TENM4: variants seen among roughly 807,000 people sequenced by gnomAD.
The protein encoded by TENM4 is teneurin-4.
Under a neutral mutation model 243.3 loss-of-function variants are expected in TENM4, and 82 were observed. The observed-to-expected ratio is 0.34, with a 90% confidence interval of 0.28 to 0.40. The LOEUF is 0.40. Ranked by LOEUF, TENM4 falls within the 10% of genes least tolerant of loss-of-function variation. The probability of loss-of-function intolerance (pLI) is 1.00; values close to 1 mark genes in which losing one functional copy is unlikely to be tolerated. For missense variants in TENM4, 3,138 were observed against 3,673.3 expected, an observed-to-expected ratio of 0.85 and a Z score of 3.77; for synonymous variants, 1,412 against 1,456.3, an observed-to-expected ratio of 0.97 and a Z score of 0.69.
chr11:79,221,316 C>T (rs1258206216), intron 2 of TENM4, among the ~76,000 whole-genome samples: 1 of 150,382 alleles, frequency 6.6e-6, no homozygotes, highest in Non-Finnish European at 1.5e-5. Context: ...AGAGAAGATC[C>T]ACCACATTCC....
At chr11:78,665,661 T>C (rs1858139676) in intron 32 of TENM4, among the ~76,000 whole-genome samples, 1 of 152,242 alleles carries the variant, frequency 6.6e-6, no homozygotes. Context: ...AGAGTTCTAA[T>C]CCAGCCTTGC....
rs1303969661 is a variant in TENM4 at position 78,878,740 on chromosome 11, T to C, written c.1084+11045A>G. 2.6e-5 allele frequency among the ~76,000 whole-genome samples: 4 copies of C among 152,164 alleles called. No individual in the cohort carries two copies. In the East Asian group the frequency reaches 7.7e-4, roughly 29 times the overall value. ...TACCCTTCTGAAGAGGATCTAGCAG[T>C]GAGTAACAGAGCTGTTCACGCCTTG... is the stretch of plus-strand genomic sequence containing the variant. On this transcript the variant is annotated intron_variant, in intron 9 of 33. Transcript: ENST00000278550.
intron 3 of TENM4, among the ~76,000 whole-genome samples, chr11:79,181,628 T>C (rs1164390352): frequency 1.3e-5 from 2 of 151,534 alleles, no homozygotes; most frequent in African/African-American, 4.9e-5. Context: ...AAAAGGTATA[T>C]AGATTGGGAA....
At chr11:79,214,667 G>A (rs1428647188) in intron 3 of TENM4, among the ~76,000 whole-genome samples, 1 of 152,190 alleles carries the variant, frequency 6.6e-6, no homozygotes, top group Non-Finnish European at 1.5e-5. Flanking sequence ...CACACCTCCT[G>A]GAATCCCAGA....
intron 4 of TENM4, among the ~76,000 whole-genome samples, chr11:79,123,379 C>T (rs1293207955): frequency 6.6e-6 from 1 of 152,174 alleles, no homozygotes; most frequent in Non-Finnish European, 1.5e-5. Flanking sequence ...AGCTGGGGTT[C>T]AACCCAGGTA....
intron 1 of TENM4, among the ~76,000 whole-genome samples, chr11:79,399,748 T>C (rs1330841158): frequency 6.6e-6 from 1 of 152,134 alleles, no homozygotes; most frequent in Non-Finnish European, 1.5e-5. Context: ...CAAATTTGGC[T>C]CCTCTACTTA....
chr11:78,813,111 T>A (rs1857533455), intron 13 of TENM4, among the ~76,000 whole-genome samples: 1 of 152,202 alleles, frequency 6.6e-6, no homozygotes, highest in Non-Finnish European at 1.5e-5. Flanking sequence ...CTTTCCTTTT[T>A]AAAGCACTCA....
At chr11:78,986,390 G>T (rs910026002) in intron 6 of TENM4, among the ~76,000 whole-genome samples, 3 of 152,046 alleles carry the variant, frequency 2.0e-5, no homozygotes, top group African/African-American at 7.2e-5. Flanking sequence ...AATCCTCCCC[G>T]CTTTCAGATG....
intron 1 of TENM4, among the ~76,000 whole-genome samples, chr11:79,405,004 G>A (rs1858538165): frequency 6.6e-6 from 1 of 152,126 alleles, no homozygotes; most frequent in South Asian, 2.1e-4. Context: ...GTGTGCACAT[G>A]TGCATTTGTT....
At chr11:79,338,460 T>G (rs1857189563) in intron 1 of TENM4, among the ~76,000 whole-genome samples, 1 of 152,198 alleles carries the variant, frequency 6.6e-6, no homozygotes. Context: ...GATTTGGAAT[T>G]ACCTCCTCAG....
At chr11:79,361,942 A>C (rs1857596502) in intron 1 of TENM4, among the ~76,000 whole-genome samples, 2 of 152,242 alleles carry the variant, frequency 1.3e-5, no homozygotes. Context: ...ATGTTTACTT[A>C]CAAGTCCAGT....
At chr11:79,299,693 C>T (rs1300184872) in intron 1 of TENM4, among the ~76,000 whole-genome samples, 1 of 152,152 alleles carries the variant, frequency 6.6e-6, no homozygotes, top group Non-Finnish European at 1.5e-5. Flanking sequence ...ACCTAATACC[C>T]AGGAATGCCA....
At chr11:78,804,596 C>A (rs906541227) in intron 15 of TENM4, among the ~76,000 whole-genome samples, 17 of 152,228 alleles carry the variant, frequency 1.1e-4, no homozygotes, top group South Asian at 6.2e-4. Flanking sequence ...CAGAAGGGTG[C>A]CAACATAATT....
intron 1 of TENM4, among the ~76,000 whole-genome samples, chr11:79,299,496 T>C (rs567185145): frequency 6.6e-6 from 1 of 152,288 alleles, no homozygotes; most frequent in African/African-American, 2.4e-5. Flanking sequence ...GTCATCCTCT[T>C]TTGTTACATT....
intron 28 of TENM4, among the ~76,000 whole-genome samples, chr11:78,696,350 T>G (rs970475533): frequency 6.6e-6 from 1 of 152,216 alleles, no homozygotes; most frequent in Non-Finnish European, 1.5e-5. Context: ...CTCTGACAGA[T>G]AGTTTCAACA....
intron 4 of TENM4, among the ~76,000 whole-genome samples, chr11:79,116,400 G>C (rs1033195151): frequency 6.6e-6 from 1 of 152,218 alleles, no homozygotes; most frequent in Admixed American, 6.5e-5. Context: ...CAGCCTGCTT[G>C]TTTAACCACT....
At chr11:79,137,409 A>G (rs893478148) in intron 4 of TENM4, among the ~76,000 whole-genome samples, 37 of 152,156 alleles carry the variant, frequency 2.4e-4, no homozygotes, top group African/African-American at 8.9e-4. Flanking sequence ...ATTAAGGTCA[A>G]TGGAAAACTA....
At chr11:79,042,397 G>T (rs1401543031) in intron 6 of TENM4, among the ~76,000 whole-genome samples, 2 of 152,108 alleles carry the variant, frequency 1.3e-5, no homozygotes, top group Admixed American at 1.3e-4. Flanking sequence ...TAAGGAGGTG[G>T]GGCCTTTGGG....
intron 12 of TENM4, among the ~76,000 whole-genome samples, chr11:78,832,107 C>T (rs184442262): frequency 2.4e-4 from 36 of 152,336 alleles, no homozygotes; most frequent in Non-Finnish European, 4.6e-4. Flanking sequence ...ATGGGAACCC[C>T]GCTCTCATTC....
Sources: gnomAD v4.1 joint callset for allele counts (sites outside exome capture counted in the v4.1 genomes callset) on GRCh38, gnomAD v4.1.1 for gene constraint, MANE v1.5 for transcripts, NCBI Gene and HGNC (gene_info 2026-07-23, HGNC 2026-07-21) for gene names.